Variants in CYB5R1 observed in about 807,000 individuals in gnomAD.
CYB5R1 encodes the protein cytochrome b5 reductase 1, also known as NADH-cytochrome b5 reductase 1.
CYB5R1 carries 32 observed loss-of-function variants against 37.4 expected under a neutral mutation model. The ratio of observed to expected loss-of-function variants is 0.86; its 90% CI spans 0.65 to 1.15. The LOEUF (loss-of-function observed/expected upper bound fraction) is 1.15, where lower values mean the gene tolerates loss of function less well. Among genes scored for constraint, CYB5R1 ranks in the 50% most tolerant of loss-of-function variants. The pLI is 0.00. For missense variants in CYB5R1, 345 were observed against 382.5 expected (o/e 0.90, Z 0.82); for synonymous variants, 159 against 155.2 (o/e 1.02, Z -0.18).
At chr1:202,964,340 G>T in intron 6 of CYB5R1, 1 of 496,172 alleles carries the variant, frequency 2.0e-6, no homozygotes, top group South Asian at 2.3e-5. Flanking sequence ...ATTCCTAGCT[G>T]CTTCTCTCTT....
chr1:202,965,556 C>T, intron 4 of CYB5R1, 56 bp from the exon 5 acceptor site: 1 of 1,531,428 alleles, frequency 6.5e-7, no homozygotes, highest in Non-Finnish European at 8.8e-7. Context: ...TTCTGAGCCC[C>T]ATGTTGACTA....
chr1:202,962,514 A>G lies in CYB5R1; in HGVS notation c.*13T>C, dbSNP rs769960521. On this transcript the variant is annotated 3_prime_UTR_variant, in exon 9 of 9. Transcript: ENST00000367249. Reference sequence around the variant, plus strand: ...CAACTGCAGCGAACAGCACCAGGGAAGCTGGAGGATGCTCAGTAGGTGAAT... The same window carrying G: ...CAACTGCAGCGAACAGCACCAGGGAGGCTGGAGGATGCTCAGTAGGTGAAT... 8 of 1,594,942 alleles carry G rather than the reference A, an allele frequency of 5.0e-6. No homozygotes were observed. In the African/African-American group the frequency reaches 9.4e-5, roughly 19 times the overall value.
intron 4 of CYB5R1, 87 bp from the exon 5 acceptor site, chr1:202,965,587 A>G: frequency 2.2e-6 from 3 of 1,367,784 alleles, no homozygotes; most frequent in Non-Finnish European, 3.0e-6. Context: ...AGGCTGGGGC[A>G]GGGATCAGAT....
At chr1:202,966,392 G>T in intron 3 of CYB5R1, 136 bp downstream of exon 3, 1 of 986,742 alleles carries the variant, frequency 1.0e-6, no homozygotes, top group Non-Finnish European at 1.5e-6. Flanking sequence ...ACAGCTTGGA[G>T]GATGCAGAGC....
rs1571577449 is a variant in CYB5R1, at chr1:202,965,091, A to AG, written c.475+279dup. 13 of 405,006 alleles carry AG rather than the reference A, an allele frequency of 3.2e-5. No individual in the cohort carries two copies. In the East Asian group the frequency reaches 5.6e-4, roughly 17 times the overall value. 25.1% of individuals were successfully genotyped at this position (405,006 alleles called of 1,614,324 possible). ...CTCTGGCTCACTCCACAGCTCACCC[A>AG]GGGGGGCAAATTTTTGAAGGTGGGG... On this transcript the variant is annotated intron_variant, in intron 5 of 8. Transcript: ENST00000367249.
At chr1:202,967,029 G>C in intron 1 of CYB5R1, 131 bp from the exon 2 acceptor site, 2 of 1,430,564 alleles carry the variant, frequency 1.4e-6, no homozygotes, top group Non-Finnish European at 1.9e-6. Context: ...TAACCTGGCG[G>C]AGTCCCGAGC....
intron 8 of CYB5R1, 52 bp downstream of exon 8, chr1:202,963,014 T>C (rs1280377758): frequency 9.9e-6 from 15 of 1,517,520 alleles, no homozygotes; most frequent in Middle Eastern, 1.7e-4. Flanking sequence ...GGGGCAAGGC[T>C]TTGATTTTGA....
chr1:202,964,262 G>A (rs1477162086), intron 6 of CYB5R1: 3 of 307,346 alleles, frequency 9.8e-6, no homozygotes, highest in East Asian at 7.5e-5. Context: ...ATATAGTAGT[G>A]TATTAGACTA....
chr1:202,963,746 C>T lies in CYB5R1; in HGVS notation c.560-19G>A. Reference sequence around the variant, plus strand: ...GTGATTCCTGCATGAAGATACCCCACAGTGAAATGTAGTGGCCACACTCTC... The same window carrying T: ...GTGATTCCTGCATGAAGATACCCCATAGTGAAATGTAGTGGCCACACTCTC... On this transcript the variant is annotated intron_variant, in intron 6 of 8. Transcript: ENST00000367249. 6.3e-7 allele frequency: 1 copy of T among 1,579,466 alleles called. No homozygotes were observed. Among genetic ancestry groups the T allele is most frequent in the South Asian group, 1.1e-5 (1 of 87,382 alleles).
intron 2 of CYB5R1, 48 bp downstream of exon 2, chr1:202,966,701 A>G: frequency 1.9e-6 from 3 of 1,612,302 alleles, no homozygotes; most frequent in Non-Finnish European, 2.5e-6. Context: ...CCATGCCAGG[A>G]GCACTCTGGT....
chr1:202,966,526 A>C lies in CYB5R1; in HGVS notation c.238+2T>G. ...AAGGAGCCCATTCCACACTTTCCTT[A>C]CCCACAGGCAGCCCCAGAGTGTGGT... On this transcript the variant is annotated splice_donor_variant, in intron 3 of 8. Transcript: ENST00000367249. LOFTEE classifies it high-confidence loss of function. The C allele has an allele frequency of 6.2e-7, 1 of 1,614,078 alleles. No individual in the cohort carries two copies. The highest frequency in any genetic ancestry group is 8.5e-7 in the Non-Finnish European group (1 of 1,179,950).
chr1:202,967,148 G>A (rs777752626), intron 1 of CYB5R1, 43 bp downstream of exon 1: 2 of 1,603,448 alleles, frequency 1.2e-6, no homozygotes, highest in East Asian at 4.5e-5. Context: ...AGAACCAGAT[G>A]GGGAGGGGTC....
Position 202,965,401 on chromosome 1 carries a change from G to A in CYB5R1, c.445C>T (p.Pro149Ser). 6.2e-7 allele frequency: 1 copy of A among 1,600,576 alleles called. No individual in the cohort carries two copies. Residue 149 changes from proline to serine, a missense_variant, in exon 5 of 9, where the codon CCA (proline) becomes TCA (serine). Physicochemically the swap from Pro to Ser is moderately conservative, Grantham distance 74. Coordinates refer to ENST00000367249, the MANE Select transcript of CYB5R1 (RefSeq NM_016243.3). Reference protein sequence around the residue: ...KVGDVVEFRGPSGLLTYTGKG... With the variant: ...KVGDVVEFRGSSGLLTYTGKG... ...CCAGTGTAAGTGAGCAACCCGCTTG[G>A]CCCCCGAAACTCCACCACATCCCCA...
At chr1:202,965,571 T>C in intron 4 of CYB5R1, 71 bp from the exon 5 acceptor site, 1 of 1,457,576 alleles carries the variant, frequency 6.9e-7, no homozygotes, top group Non-Finnish European at 9.2e-7. Flanking sequence ...TGACTAAACC[T>C]CCCTGAGGCT....
chr1:202,962,644 G>A lies in CYB5R1; in HGVS notation c.801C>T (p.Pro267=), dbSNP rs370774212. 1.3e-5 allele frequency: 21 copies of A among 1,614,030 alleles called. No homozygotes were observed. The African/African-American group carries it at 1.3e-4, about 10-fold the overall frequency. ...VTADMIREHL[P]APGDDVLVLL... is the part of the protein sequence containing the mutation. ...GTACCAGCACATCATCCCCTGGAGC[G>A]GGCAGGTGTTCCCGGATCATGTCGG... The change falls in exon 9 of 9, where the codon CCC becomes CCT. Residue 267 remains proline, a synonymous_variant. Transcript: ENST00000367249.
In CYB5R1 at chr1:202,965,505, C is replaced by A. The variant is rs574520357; in HGVS notation, c.346-5G>T. Reference sequence around the variant, plus strand: ...GTGCACACCCTTCAGGTAGACCTTACAAGACAGAGAGAAAAATACCTTATT... The same window carrying A: ...GTGCACACCCTTCAGGTAGACCTTAAAAGACAGAGAGAAAAATACCTTATT... On this transcript the variant is annotated splice_region_variant and splice_polypyrimidine_tract_variant and intron_variant, in intron 4 of 8. Coordinates refer to ENST00000367249, the MANE Select transcript of CYB5R1 (RefSeq NM_016243.3). The A allele has an allele frequency of 6.4e-7, 1 of 1,571,620 alleles. No individual in the cohort carries two copies.
intron 4 of CYB5R1, 133 bp from the exon 5 acceptor site, chr1:202,965,633 C>CTTTTTT: frequency 2.5e-6 from 2 of 805,636 alleles, no homozygotes; most frequent in African/African-American, 2.1e-5. Flanking sequence ...TACTTTCTTT[C>CTTTTTT]TTTCTTTTTT....
At chr1:202,967,033 C>T (rs1210289109) in intron 1 of CYB5R1, 135 bp from the exon 2 acceptor site, 1 of 1,432,940 alleles carries the variant, frequency 7.0e-7, no homozygotes, top group Non-Finnish European at 9.4e-7. Flanking sequence ...CTGGCGGAGT[C>T]CCGAGCCCGG....
chr1:202,964,676 G>A lies in CYB5R1; in HGVS notation c.495C>T (p.Pro165=). 1 of 1,613,670 alleles carries A rather than the reference G, an allele frequency of 6.2e-7. No individual in the cohort carries two copies. The highest frequency in any genetic ancestry group is 8.5e-7 in the Non-Finnish European group (1 of 1,179,620). ...YTGKGHFNIQ[P]NKKSPPEPRV... ...GGGGTTCTGGTGGAGATTTCTTGTT[G>A]GGCTGAATGTTAAAATGCCCTGAGA... Residue 165 remains proline, a synonymous_variant, in exon 6 of 9, where the codon CCC becomes CCT. Coordinates refer to ENST00000367249, the MANE Select transcript of CYB5R1 (RefSeq NM_016243.3).
Sources: allele counts gnomAD v4.1 joint callset, GRCh38; gene constraint gnomAD v4.1.1; transcripts MANE v1.5; gene names NCBI Gene and HGNC (gene_info 2026-07-23, HGNC 2026-07-21).